The following PDE1B variants were observed in gnomAD, a reference collection of about 807,000 sequenced individuals.
PDE1B encodes phosphodiesterase 1B.
In PDE1B, 13 loss-of-function variants were observed where a neutral mutation model predicts 66.7. That is an observed-to-expected ratio of 0.19 (90% CI 0.13 to 0.31). The LOEUF (loss-of-function observed/expected upper bound fraction) is 0.31. Among genes scored for constraint, PDE1B ranks in the 10% least tolerant of loss-of-function variants. The pLI is 1.00. For missense variants in PDE1B, 485 were observed against 682.3 expected (o/e 0.71, Z 3.22); for synonymous variants, 230 against 253.9 (o/e 0.91, Z 0.90).
rs548823432 is a variant in PDE1B at position 54,575,020 on chromosome 12, G to A, written c.1065-78G>A. Reference sequence around the variant, plus strand: ...GAAGAAGTTATGTGATAGGGTGTGCGTGGGAAGTTAGGGAATGGTCCTAAC... The same window carrying A: ...GAAGAAGTTATGTGATAGGGTGTGCATGGGAAGTTAGGGAATGGTCCTAAC... On this transcript the variant is annotated intron_variant, in intron 10 of 15. Coordinates refer to ENST00000243052, the MANE Select transcript of PDE1B (RefSeq NM_000924.4). This position sits in a 1 kb window ranked among gnomAD's most constrained non-coding sequence, Gnocchi z 4.0. The A allele has an allele frequency of 2.5e-5, 30 of 1,212,092 alleles. 1 individual carries two copies. Among genetic ancestry groups the A allele is most frequent in the South Asian group, 1.5e-4 (11 of 74,960 alleles). 75.1% of individuals were successfully genotyped at this position (1,212,092 alleles called of 1,614,324 possible). A position where few individuals can be genotyped will look rare whatever the true frequency, so the allele number is the denominator to read the frequency against.
At chr12:54,577,745 C>A (rs1320054252) in intron 15 of PDE1B, 115 bp from the exon 16 acceptor site, 10 of 497,054 alleles carry the variant, frequency 2.0e-5, no homozygotes, top group Non-Finnish European at 3.5e-5. Flanking sequence ...TTCTGAAGGG[C>A]ATTTTTTGCA....
Position 54,574,628 on chromosome 12 carries a change from T to C in PDE1B, c.1065-470T>C, listed in dbSNP as rs1285171293. 3 of 155,198 alleles carry C rather than the reference T, an allele frequency of 1.9e-5. No individual in the cohort carries two copies. The East Asian group carries it at 5.7e-4, about 30-fold the overall frequency. 9.6% of individuals were successfully genotyped at this position (155,198 alleles called of 1,614,324 possible). The stretch of plus-strand genomic sequence containing the variant: ...GTGCTGCTACCTAAACATATATAAG[T>C]GTGTGTGTGTCTGTGTGTGGGGTGT... On this transcript the variant is annotated intron_variant, in intron 10 of 15. Coordinates refer to ENST00000243052, the MANE Select transcript of PDE1B (RefSeq NM_000924.4).
intron 15 of PDE1B, chr12:54,577,651 G>A: frequency 7.6e-6 from 9 of 1,184,708 alleles, no homozygotes; most frequent in Non-Finnish European, 1.0e-5. Flanking sequence ...GGGAAAAGGA[G>A]CCCAGCCAGG....
chr12:54,572,985 G>T (rs910825919), intron 7 of PDE1B, among the ~76,000 whole-genome samples, 163 bp from the exon 8 acceptor site: 24 of 152,202 alleles, frequency 1.6e-4, no homozygotes, highest in African/African-American at 5.8e-4. Flanking sequence ...ATGGAGGAAG[G>T]TCCTTGGCCA....
intron 2 of PDE1B, chr12:54,550,214 G>C: frequency 7.2e-7 from 1 of 1,379,640 alleles, no homozygotes; most frequent in South Asian, 1.6e-5. Flanking sequence ...AGGTAACGAT[G>C]TGCCTGTGCC....
At chr12:54,562,485 A>G (rs1230915911) in intron 2 of PDE1B, among the ~76,000 whole-genome samples, 1 of 152,168 alleles carries the variant, frequency 6.6e-6, no homozygotes, top group Non-Finnish European at 1.5e-5. Flanking sequence ...CCAGATGTGG[A>G]CTGGACGGGG....
Position 54,570,361 on chromosome 12 carries a change from G to C in PDE1B, c.594+4G>C. 6.4e-7 allele frequency: 1 copy of C among 1,556,040 alleles called. No individual in the cohort carries two copies. The highest frequency in any genetic ancestry group is 8.9e-7 in the Non-Finnish European group (1 of 1,127,098). On this transcript the variant is annotated splice_donor_region_variant and intron_variant, in intron 6 of 15. Coordinates refer to ENST00000243052, the MANE Select transcript of PDE1B (RefSeq NM_000924.4). ...TAACCTCATCAGCCGCTTCAAGGTT[G>C]GGCAGCATCCTACCTCTACCTCCAG...
At chr12:54,576,194 G>A (rs1038328219) in intron 13 of PDE1B, 94 bp downstream of exon 13, 2 of 797,010 alleles carry the variant, frequency 2.5e-6, no homozygotes, top group African/African-American at 3.4e-5. Context: ...CACAGCCATG[G>A]TGGGGTGGTG....
chr12:54,567,340 C>CA (rs36106145), intron 3 of PDE1B, among the ~76,000 whole-genome samples: 11,629 of 132,816 alleles, frequency 0.088, 601 homozygotes, highest in African/African-American at 0.16. Flanking sequence ...CCTGTCTCTA[C>CA]AAAAAAAAAA....
intron 2 of PDE1B, among the ~76,000 whole-genome samples, chr12:54,556,021 G>C (rs575137831): frequency 4.6e-5 from 7 of 152,098 alleles, no homozygotes; most frequent in Non-Finnish European, 1.0e-4. Flanking sequence ...GTCCAGCCCC[G>C]ACTCCTGTCT....
chr12:54,569,863 C>A lies in PDE1B; in HGVS notation c.477+251C>A, dbSNP rs541826987. Among the ~76,000 whole-genome samples, 2 of 152,224 alleles carry A rather than the reference C, an allele frequency of 1.3e-5. No individual in the cohort carries two copies. Among genetic ancestry groups the A allele is most frequent in the South Asian group, 2.1e-4 (1 of 4,810 alleles). On this transcript the variant is annotated intron_variant, in intron 5 of 15. Coordinates refer to ENST00000243052, the MANE Select transcript of PDE1B (RefSeq NM_000924.4). The surrounding 1 kb of genome is among the most constrained non-coding windows in gnomAD (Gnocchi z 4.4). ...TACAGGTGCCCACCACCATGCCCAG[C>A]TAATTTTTGTAGTTTTAGTAGAGAT...
Position 54,549,863 on chromosome 12 carries a change from G to C in PDE1B, c.-10G>C, listed in dbSNP as rs759139335. On this transcript the variant is annotated 5_prime_UTR_variant, in exon 2 of 16. Coordinates refer to ENST00000243052, the MANE Select transcript of PDE1B (RefSeq NM_000924.4). ...GTCTCCTCCTTCTGTTCCGTAGACCGTGGCTGAGCATGGAGCTGTCCCCCC... is the reference window on the plus strand; with the variant it reads ...GTCTCCTCCTTCTGTTCCGTAGACCCTGGCTGAGCATGGAGCTGTCCCCCC... 4 of 1,606,300 alleles carry C rather than the reference G, an allele frequency of 2.5e-6. No individual in the cohort carries two copies. Among genetic ancestry groups the C allele is most frequent in the African/African-American group, 2.7e-5 (2 of 74,844 alleles).
chr12:54,550,203 A>G, intron 2 of PDE1B: 2 of 1,397,184 alleles, frequency 1.4e-6, no homozygotes, highest in South Asian at 3.2e-5. Context: ...AGGAGTTGCA[A>G]AGGTAACGAT....
chr12:54,563,701 T>A (rs981739965), intron 2 of PDE1B, among the ~76,000 whole-genome samples: 3 of 152,212 alleles, frequency 2.0e-5, no homozygotes, highest in African/African-American at 7.2e-5. Context: ...GTGCCAGGCC[T>A]TTTAATGTAT....
intron 1 of PDE1B, 26 bp downstream of exon 1, chr12:54,549,798 G>A (rs1418701183): frequency 8.5e-6 from 10 of 1,170,420 alleles, no homozygotes; most frequent in Non-Finnish European, 1.0e-5. Context: ...GATGGGGGGT[G>A]AGGGTCTCTC....
chr12:54,562,525 C>T (rs1173798986), intron 2 of PDE1B, among the ~76,000 whole-genome samples: 3 of 152,118 alleles, frequency 2.0e-5, no homozygotes, highest in Non-Finnish European at 2.9e-5. Context: ...GGGAAAGGTA[C>T]CTTTACTGTG....
At chr12:54,550,872 A>G (rs78493507) in intron 2 of PDE1B, among the ~76,000 whole-genome samples, 1 of 151,930 alleles carries the variant, frequency 6.6e-6, no homozygotes, top group African/African-American at 2.4e-5. Flanking sequence ...TGCTCCTTAG[A>G]AAAAAAAGAG....
At chr12:54,563,337 G>A (rs965956882) in intron 2 of PDE1B, among the ~76,000 whole-genome samples, 1 of 152,226 alleles carries the variant, frequency 6.6e-6, no homozygotes, top group South Asian at 2.1e-4. Flanking sequence ...TTGGGGACAC[G>A]GTTAGGTTCC....
Position 54,577,013 on chromosome 12 carries a change from C to T in PDE1B, c.1508-212C>T, listed in dbSNP as rs961425827. The T allele has an allele frequency of 3.4e-5, 21 of 613,426 alleles. No homozygotes were observed. In the Middle Eastern group the frequency reaches 1.3e-3, roughly 38 times the overall value. The allele number at this position is 613,426 out of a possible 1,614,324, so 38.0% of individuals were successfully genotyped here. ...TTTGGTGGCCCTGGCTGGGAAATCT[C>T]TTCCTGTGTGAGGGGGTGGTAGGGT... is the stretch of plus-strand genomic sequence containing the variant. On this transcript the variant is annotated intron_variant, in intron 14 of 15. Transcript: ENST00000243052.
Sources: gnomAD v4.1 joint callset for allele counts (sites outside exome capture counted in the v4.1 genomes callset) on GRCh38, gnomAD v4.1.1 for gene constraint, Gnocchi (gnomAD v3.1) non-coding constraint, MANE v1.5 for transcripts, NCBI Gene and HGNC (gene_info 2026-07-23, HGNC 2026-07-21) for gene names.